Variants in LONRF1 observed in about 807,000 individuals in gnomAD.
The protein encoded by LONRF1 is LON peptidase N-terminal domain and RING finger protein 1.
Under a neutral mutation model 85.8 loss-of-function variants are expected in LONRF1, and 37 were observed. The ratio of observed to expected loss-of-function variants is 0.43; its 90% CI spans 0.33 to 0.57. The LOEUF is 0.57. LONRF1 is among the 20% of genes least tolerant of loss of function. The pLI is 0.04. For missense variants in LONRF1, 1,036 were observed against 978.0 expected, an observed-to-expected ratio of 1.06 and a Z score of -0.79; for synonymous variants, 517 against 390.1, an observed-to-expected ratio of 1.33 and a Z score of -3.83.
intron 2 of LONRF1, 54 bp from the exon 3 acceptor site, chr8:12,741,050 A>C: frequency 6.3e-7 from 1 of 1,589,670 alleles, no homozygotes; most frequent in East Asian, 2.3e-5. Context: ...CTTTTTAAAA[A>C]ATCATTATCA....
In LONRF1 at chr8:12,743,228, T is replaced by C; in HGVS notation, c.776A>G (p.Gln259Arg). 1 of 1,613,416 alleles carries C rather than the reference T, an allele frequency of 6.2e-7. No homozygotes were observed. Among genetic ancestry groups the C allele is most frequent in the Middle Eastern group, 1.7e-4 (1 of 6,052 alleles). ...IYRAESYAGLQEFKAAIEDLN... is the reference protein window; with the variant it reads ...IYRAESYAGLREFKAAIEDLN... ...ATCTTCTATGGCTGCTTTAAACTCT[T>C]GGAGACCAGCATATGATTCCGCTCT... is the stretch of plus-strand genomic sequence containing the variant. Residue 259 changes from glutamine (Q) to arginine (R), a missense_variant, in exon 2 of 12, where the codon CAA (glutamine) becomes CGA (arginine). Physicochemically the swap from Gln to Arg is conservative, Grantham distance 43 (BLOSUM62 1). Around this residue, in one of 3 missense-constraint regions of LONRF1, gnomAD observed 742 missense variants for 614.4 expected, o/e 1.21. Coordinates refer to ENST00000398246, the MANE Select transcript of LONRF1 (RefSeq NM_152271.5).
In LONRF1 at chr8:12,722,745, TACAC is replaced by T. The variant is rs1805952247; in HGVS notation, c.*347_*350del. The T allele has an allele frequency of 6.3e-6, 1 of 159,678 alleles. No individual in the cohort carries two copies. Among genetic ancestry groups the T allele is most frequent in the South Asian group, 2.0e-4 (1 of 5,038 alleles). The allele number at this position is 159,678 out of a possible 1,614,324, so 9.9% of individuals were successfully genotyped here. ...TTTAAAATTTTAAAGCCAGAGAAAA[TACAC>T]ACACACTACCCAACCCCCACAAGCA... On this transcript the variant is annotated 3_prime_UTR_variant, in exon 12 of 12. Transcript: ENST00000398246.
At chr8:12,729,509 A>C (rs1240022863) in intron 8 of LONRF1, 177 bp from the exon 9 acceptor site, 2 of 580,146 alleles carry the variant, frequency 3.4e-6, no homozygotes, top group East Asian at 5.9e-5. Context: ...CCCGTTCACT[A>C]AGCTCACACT....
chr8:12,729,446 A>G (rs1420248696), intron 8 of LONRF1, 114 bp from the exon 9 acceptor site: 1 of 1,032,966 alleles, frequency 9.7e-7, no homozygotes, highest in African/African-American at 1.6e-5. Flanking sequence ...GCAAAAAAAG[A>G]ATTAGTTCTA....
intron 1 of LONRF1, chr8:12,753,864 G>C (rs75395018): frequency 6.6e-6 from 1 of 152,310 alleles, no homozygotes; most frequent in Non-Finnish European, 1.5e-5. Flanking sequence ...GAAAGGCCAG[G>C]AGAAGCGTGG....
At chr8:12,740,538 G>A (rs931049583) in intron 3 of LONRF1, among the ~76,000 whole-genome samples, 1 of 152,170 alleles carries the variant, frequency 6.6e-6, no homozygotes, top group African/African-American at 2.4e-5. Context: ...TAGACCTGAA[G>A]TAAAAGGCAA....
At chr8:12,736,855 G>A in intron 5 of LONRF1, 45 bp downstream of exon 5, 1 of 1,574,424 alleles carries the variant, frequency 6.4e-7, no homozygotes, top group Non-Finnish European at 8.6e-7. Flanking sequence ...AGACTATTCT[G>A]ACTAAATAAA....
At chr8:12,735,104 T>C (rs1215482532) in intron 7 of LONRF1, among the ~76,000 whole-genome samples, 182 bp downstream of exon 7, 9 of 152,126 alleles carry the variant, frequency 5.9e-5, no homozygotes, top group Admixed American at 2.6e-4. Flanking sequence ...TTTCTCCCCA[T>C]CCTCTTCAAC....
At chr8:12,725,194 T>A (rs10429335) in intron 11 of LONRF1, among the ~76,000 whole-genome samples, 146,690 of 152,288 alleles carry the variant, frequency 0.96, 70,879 homozygotes, top group East Asian at 1. Flanking sequence ...CCTAAGTACC[T>A]GCAAGACTAA....
intron 2 of LONRF1, among the ~76,000 whole-genome samples, chr8:12,741,601 ATTG>A (rs1194631177): frequency 6.6e-6 from 1 of 152,148 alleles, no homozygotes; most frequent in Non-Finnish European, 1.5e-5. Context: ...TTTAAATATT[ATTG>A]ATTTAATTTG....
In LONRF1 at chr8:12,725,728, T is replaced by A; in HGVS notation, c.2162A>T (p.Gln721Leu). The part of the protein sequence containing the change: ...GSMPEREENL[Q>L]AAPNGPAWCW... ...GGAAGAACAGAAAAGCCACCATACC[T>A]GAAGGTTTTCCTCCCTCTCGGGCAT... The change falls in exon 11 of 12, where the codon CAG (glutamine) becomes CTG (leucine). Residue 721 changes from glutamine to leucine, a missense_variant and splice_region_variant. By Grantham distance (113) the Gln-to-Leu change is moderately radical. Around this residue, in one of 3 missense-constraint regions of LONRF1, gnomAD observed 265 missense variants for 301.5 expected, o/e 0.88. Transcript: ENST00000398246. The A allele has an allele frequency of 6.2e-7, 1 of 1,610,416 alleles. No homozygotes were observed. Among genetic ancestry groups the A allele is most frequent in the Non-Finnish European group, 8.5e-7 (1 of 1,177,074 alleles).
intron 2 of LONRF1, among the ~76,000 whole-genome samples, chr8:12,741,827 T>C (rs943165898): frequency 2.6e-5 from 4 of 152,200 alleles, no homozygotes; most frequent in Admixed American, 6.5e-5. Flanking sequence ...GTCTTTCACT[T>C]TTCTCCTTCA....
At chr8:12,726,824 C>G (rs1299888655) in intron 10 of LONRF1, among the ~76,000 whole-genome samples, 1 of 151,972 alleles carries the variant, frequency 6.6e-6, no homozygotes, top group African/African-American at 2.4e-5. Context: ...CTACAGCACA[C>G]CAGAGACAAA....
chr8:12,744,427 G>T (rs1027515406), intron 1 of LONRF1, among the ~76,000 whole-genome samples: 4 of 152,028 alleles, frequency 2.6e-5, no homozygotes, highest in Non-Finnish European at 5.9e-5. Context: ...CTAGAATATT[G>T]TGTCTTGTGC....
In LONRF1 at chr8:12,731,787, T is replaced by C; in HGVS notation, c.1637A>G (p.Glu546Gly). The change falls in exon 8 of 12, where the codon GAA becomes GGA. Residue 546 changes from glutamate to glycine, a missense_variant. Glu to Gly is a moderately conservative substitution (Grantham distance 98). Transcript: ENST00000398246. ...EELIVKYLPD[E>G]LSERKKIYDE... The stretch of plus-strand genomic sequence containing the variant: ...ATATATTTTTTTTCTCTCAGACAGT[T>C]CATCAGGCAGATACTTCACTATTAA... 1 of 1,613,098 alleles carries C rather than the reference T, an allele frequency of 6.2e-7. No individual in the cohort carries two copies. Among genetic ancestry groups the C allele is most frequent in the Non-Finnish European group, 8.5e-7 (1 of 1,179,244 alleles).
intron 1 of LONRF1, among the ~76,000 whole-genome samples, chr8:12,744,188 T>C (rs1391996834): frequency 6.6e-6 from 1 of 152,154 alleles, no homozygotes; most frequent in Non-Finnish European, 1.5e-5. Context: ...TGCCTCTAAA[T>C]AAAATTTAAT....
In LONRF1 at chr8:12,725,736, T is replaced by C; in HGVS notation, c.2154A>G (p.Glu718=). Residue 718 remains glutamate, a synonymous_variant, in exon 11 of 12, where the codon GAA becomes GAG. Coordinates refer to ENST00000398246, the MANE Select transcript of LONRF1 (RefSeq NM_152271.5). ...AGAAAAGCCACCATACCTGAAGGTT[T>C]TCCTCCCTCTCGGGCATTGATCCGA... ...QHFGSMPERE[E]NLQAAPNGPA... is the part of the protein sequence containing the mutation. 6.2e-7 allele frequency: 1 copy of C among 1,611,802 alleles called. No homozygotes were observed. Among genetic ancestry groups the C allele is most frequent in the Non-Finnish European group, 8.5e-7 (1 of 1,178,198 alleles).
chr8:12,751,172 C>T (rs1045304711), intron 1 of LONRF1, among the ~76,000 whole-genome samples: 1 of 152,032 alleles, frequency 6.6e-6, no homozygotes, highest in Non-Finnish European at 1.5e-5. Context: ...CCATAGATGC[C>T]TCAGTTTCCC....
chr8:12,746,202 T>G (rs908093079), intron 1 of LONRF1, among the ~76,000 whole-genome samples: 11 of 152,158 alleles, frequency 7.2e-5, no homozygotes, highest in Admixed American at 5.2e-4. Flanking sequence ...CTGATCTCCC[T>G]GCCTTCAGTT....
Sources: gnomAD v4.1 joint callset for allele counts (sites outside exome capture counted in the v4.1 genomes callset) on GRCh38, gnomAD v4.1.1 for gene constraint, gnomAD v4.1.1 regional missense constraint, MANE v1.5 for transcripts, NCBI Gene and HGNC (gene_info 2026-07-23, HGNC 2026-07-21) for gene names.